NUP43: variants seen among roughly 807,000 people sequenced by gnomAD.
The protein encoded by NUP43 is nucleoporin Nup43.
Under a neutral mutation model 47.3 loss-of-function variants are expected in NUP43, and 32 were observed. The ratio of observed to expected loss-of-function variants is 0.68; its 90% CI spans 0.51 to 0.91. The LOEUF (loss-of-function observed/expected upper bound fraction) is 0.91, where lower values mean the gene tolerates loss of function less well. NUP43 is among the 40% of genes least tolerant of loss of function. The pLI, the probability that NUP43 is intolerant of heterozygous loss-of-function variation, is 0.00. For missense variants in NUP43, 444 were observed against 453.9 expected (o/e 0.98, Z 0.20); for synonymous variants, 147 against 158.4 (o/e 0.93, Z 0.54).
intron 5 of NUP43, 72 bp from the exon 6 acceptor site, chr6:149,736,694 C>A: frequency 7.2e-7 from 1 of 1,382,518 alleles, no homozygotes; most frequent in South Asian, 1.3e-5. Flanking sequence ...ACAGGAAACA[C>A]GTTTTTTGTT....
At chr6:149,749,024 T>A (rs377402172), upstream of NUP43, among the ~76,000 whole-genome samples, 1 of 152,128 alleles carries the variant, frequency 6.6e-6, no homozygotes, top group South Asian at 2.1e-4. Flanking sequence ...GTCGGGAGAA[T>A]AACACGTTCA....
At chr6:149,736,303 G>T (rs1410192854) in intron 6 of NUP43, among the ~76,000 whole-genome samples, 168 bp downstream of exon 6, 1 of 151,872 alleles carries the variant, frequency 6.6e-6, no homozygotes, top group African/African-American at 2.4e-5. Context: ...AAATGTTAAA[G>T]AACTTAAATG....
chr6:149,733,243 T>A (rs183088909), intron 6 of NUP43, among the ~76,000 whole-genome samples: 7 of 152,298 alleles, frequency 4.6e-5, no homozygotes, highest in Admixed American at 2.6e-4. Flanking sequence ...CTGGTCTTTA[T>A]CACAGAAATA....
intron 5 of NUP43, among the ~76,000 whole-genome samples, chr6:149,736,858 T>A (rs1247344525): frequency 6.6e-6 from 1 of 152,118 alleles, no homozygotes; most frequent in African/African-American, 2.4e-5. Flanking sequence ...CTGGTTAACT[T>A]TTTGTATTTT....
upstream of NUP43, among the ~76,000 whole-genome samples, chr6:149,747,734 A>G (rs974264504): frequency 6.6e-6 from 1 of 152,228 alleles, no homozygotes; most frequent in Admixed American, 6.5e-5. Context: ...CACTATAGGT[A>G]TTCATAACTG....
Position 149,743,729 on chromosome 6 carries a change from T to G in NUP43, c.244-14A>C. 6.4e-7 allele frequency: 1 copy of G among 1,567,896 alleles called. No individual in the cohort carries two copies. Among genetic ancestry groups the G allele is most frequent in the Non-Finnish European group, 8.8e-7 (1 of 1,141,700 alleles). ...CTGGTCAAAAAACTAAAGAGAAAAT[T>G]TCTGCTTGTTAAAGATTCAGAAATA... On this transcript the variant is annotated splice_polypyrimidine_tract_variant and intron_variant, in intron 2 of 7. Transcript: ENST00000340413.
chr6:149,732,982 C>T (rs991358419), intron 6 of NUP43, among the ~76,000 whole-genome samples: 7 of 152,090 alleles, frequency 4.6e-5, no homozygotes, highest in South Asian at 2.1e-4. Flanking sequence ...CTACTCCTGG[C>T]GTCAAGCAAT....
rs1375510752 is a variant in NUP43, at chr6:149,743,690, G to A, written c.269C>T (p.Ala90Val). ...TGTTACACATCCTGTTGATGAAGCA[G>A]CGACAATTCTTTCCTGGTCAAAAAA... ...LQFFDQERIV[A>V]ASSTGCVTVF... Residue 90 changes from alanine to valine, a missense_variant, in exon 3 of 8, where the codon GCT becomes GTT. By Grantham distance (64) the Ala-to-Val change is moderately conservative. Transcript: ENST00000340413. The A allele has an allele frequency of 1.2e-6, 2 of 1,610,804 alleles. No homozygotes were observed. Among genetic ancestry groups the A allele is most frequent in the South Asian group, 1.1e-5 (1 of 90,576 alleles).
chr6:149,738,383 T>C (rs1283326457), intron 5 of NUP43, among the ~76,000 whole-genome samples: 1 of 152,194 alleles, frequency 6.6e-6, no homozygotes, highest in Non-Finnish European at 1.5e-5. Flanking sequence ...TAAACAATCA[T>C]TGAAAGAGCA....
At chr6:149,742,638 A>G in intron 3 of NUP43, 68 bp from the exon 4 acceptor site, 4 of 1,198,306 alleles carry the variant, frequency 3.3e-6, no homozygotes, top group Non-Finnish European at 4.8e-6. Context: ...TCCCAACAAG[A>G]GTATCTTTAA....
chr6:149,725,238 A>G lies in NUP43; in HGVS notation c.*1731T>C, dbSNP rs1784750093. The stretch of plus-strand genomic sequence containing the variant: ...TTTGGGAGGCCGAGGCGGGCTGATT[A>G]CCTGTGGTCAGGAGTTCGAGACCAG... On this transcript the variant is annotated 3_prime_UTR_variant, in exon 8 of 8. Transcript: ENST00000340413. 6.6e-6 allele frequency: 1 copy of G among 152,162 alleles called. No homozygotes were observed. Among genetic ancestry groups the G allele is most frequent in the Non-Finnish European group, 1.5e-5 (1 of 68,056 alleles). The allele number at this position is 152,162 out of a possible 1,614,324, so 9.4% of individuals were successfully genotyped here. A position where few individuals can be genotyped will look rare whatever the true frequency, so the allele number is the denominator to read the frequency against.
chr6:149,735,620 A>AC (rs1554246038), intron 6 of NUP43, among the ~76,000 whole-genome samples: 2 of 149,144 alleles, frequency 1.3e-5, no homozygotes, highest in Non-Finnish European at 3.0e-5. Flanking sequence ...AAAAAAAAAA[A>AC]CACACACAGA....
intron 6 of NUP43, 47 bp downstream of exon 6, chr6:149,736,424 C>T (rs1379022596): frequency 6.9e-7 from 1 of 1,446,372 alleles, no homozygotes; most frequent in Non-Finnish European, 9.4e-7. Context: ...TATTATATGT[C>T]ATATAACTCA....
At chr6:149,730,214 G>A (rs1784964615) in intron 7 of NUP43, among the ~76,000 whole-genome samples, 1 of 151,882 alleles carries the variant, frequency 6.6e-6, no homozygotes, top group African/African-American at 2.4e-5. Context: ...TCTCCATGTT[G>A]GTCAGGCTGG....
chr6:149,743,535 C>A, intron 3 of NUP43, 103 bp downstream of exon 3: 1 of 649,798 alleles, frequency 1.5e-6, no homozygotes, highest in Non-Finnish European at 2.7e-6. Flanking sequence ...GTGGAGGCTG[C>A]GGTGAGCCGA....
At chr6:149,728,341 C>T (rs982294429) in intron 7 of NUP43, 12 of 984,634 alleles carry the variant, frequency 1.2e-5, no homozygotes, top group East Asian at 1.1e-4. Flanking sequence ...CAAGACTGTG[C>T]GGTTAGGGGA....
rs1363411898 is a variant in NUP43, at chr6:149,725,330, A to C, written c.*1639T>G. On this transcript the variant is annotated 3_prime_UTR_variant, in exon 8 of 8. Coordinates refer to ENST00000340413, the MANE Select transcript of NUP43 (RefSeq NM_198887.3). Reference sequence around the variant, plus strand: ...AAAAATCAGCCGGGAGCAGTGGCTCAAGCCTGTAATCCCAGCATTTTGGGA... The same window carrying C: ...AAAAATCAGCCGGGAGCAGTGGCTCCAGCCTGTAATCCCAGCATTTTGGGA... 6.6e-6 allele frequency: 1 copy of C among 152,246 alleles called. No individual in the cohort carries two copies. The highest frequency in any genetic ancestry group is 1.5e-5 in the Non-Finnish European group (1 of 68,098). The allele number at this position is 152,246 out of a possible 1,614,324, so 9.4% of individuals were successfully genotyped here.
At chr6:149,737,625 C>CT (rs896336230) in intron 5 of NUP43, among the ~76,000 whole-genome samples, 5 of 151,908 alleles carry the variant, frequency 3.3e-5, no homozygotes, top group South Asian at 2.1e-4. Context: ...CTGGCTGAAT[C>CT]TTTTTTTTAT....
Position 149,746,030 on chromosome 6 carries a change from A to T in NUP43, c.153T>A (p.Asp51Glu). 2 of 1,613,986 alleles carry T rather than the reference A, an allele frequency of 1.2e-6. No homozygotes were observed. Among genetic ancestry groups the T allele is most frequent in the Non-Finnish European group, 1.7e-6 (2 of 1,179,956 alleles). The change falls in exon 2 of 8, where the codon GAT (aspartate) becomes GAA (glutamate). Residue 51 changes from aspartate (D) to glutamate (E), a missense_variant. Physicochemically the swap from Asp to Glu is conservative, Grantham distance 45 (BLOSUM62 2). Coordinates refer to ENST00000340413, the MANE Select transcript of NUP43 (RefSeq NM_198887.3). Reference sequence around the variant, plus strand: ...CTCCATCAGAGTCCAAGTTTCCAAAATCTCCAATAGACCACAGTGAAATAT... The same window carrying T: ...CTCCATCAGAGTCCAAGTTTCCAAATTCTCCAATAGACCACAGTGAAATAT... ...ENYISLWSIGDFGNLDSDGGF... is the reference protein window; with the variant it reads ...ENYISLWSIGEFGNLDSDGGF...
Sources: allele counts gnomAD v4.1 joint callset (sites outside exome capture counted in the v4.1 genomes callset), GRCh38; gene constraint gnomAD v4.1.1; transcripts MANE v1.5; gene names NCBI Gene and HGNC (gene_info 2026-07-23, HGNC 2026-07-21).